Variants in ZKSCAN7 observed in about 807,000 individuals in gnomAD.
The protein encoded by ZKSCAN7 is zinc finger protein with KRAB and SCAN domains 7.
ZKSCAN7 carries 38 observed loss-of-function variants against 65.3 expected under a neutral mutation model. That is an observed-to-expected ratio of 0.58 (90% CI 0.45 to 0.76). ZKSCAN7 has a LOEUF of 0.76. ZKSCAN7 is among the 30% of genes least tolerant of loss of function. The pLI is 0.00. For missense variants in ZKSCAN7, 815 were observed against 913.3 expected (o/e 0.89, Z 1.39); for synonymous variants, 321 against 321.0 (o/e 1.00, Z 0.00).
chr3:44,581,817 G>A (rs1700092760), intron 5 of ZKSCAN7, among the ~76,000 whole-genome samples: 1 of 152,182 alleles, frequency 6.6e-6, no homozygotes, highest in Non-Finnish European at 1.5e-5. Context: ...CTCCAGCCCT[G>A]GTCATTCAGC....
chr3:44,580,521 T>C (rs1700047687), intron 5 of ZKSCAN7: 2 of 1,612,564 alleles, frequency 1.2e-6, no homozygotes, highest in Non-Finnish European at 1.7e-6. Context: ...AGGCCCAGGC[T>C]CCTGCGGTGT....
downstream of ZKSCAN7, among the ~76,000 whole-genome samples, chr3:44,572,827 G>C (rs1699843702): frequency 8.0e-6 from 1 of 124,756 alleles, no homozygotes; most frequent in African/African-American, 3.1e-5. Flanking sequence ...TCCAGCCTGG[G>C]CAACAGAGCG....
At chr3:44,578,226 C>T (rs923222440) in intron 5 of ZKSCAN7, 39 of 1,532,326 alleles carry the variant, frequency 2.5e-5, no homozygotes, top group Non-Finnish European at 3.0e-5. Context: ...GTGTCACTTG[C>T]GTACTTCTTG....
chr3:44,563,239 C>T (rs945312759), intron 2 of ZKSCAN7, among the ~76,000 whole-genome samples: 2 of 152,250 alleles, frequency 1.3e-5, no homozygotes, highest in African/African-American at 2.4e-5. Context: ...AACTTTCCCA[C>T]ATCTTCCTGT....
At chr3:44,558,281 T>C (rs548186060) in intron 2 of ZKSCAN7, among the ~76,000 whole-genome samples, 131 of 152,036 alleles carry the variant, frequency 8.6e-4, no homozygotes, top group African/African-American at 2.9e-3. Context: ...TCCCAGCACT[T>C]TGGGAGGCCG....
chr3:44,568,933 A>T (rs571338710), intron 5 of ZKSCAN7, among the ~76,000 whole-genome samples: 1 of 152,064 alleles, frequency 6.6e-6, no homozygotes, highest in African/African-American at 2.4e-5. Flanking sequence ...TGTCCTTTTC[A>T]TAGCTCTTTT....
rs1418093517 is a variant in ZKSCAN7, at chr3:44,555,407, T to C, written c.-193T>C. The C allele has an allele frequency of 6.6e-6, 1 of 152,234 alleles. No individual in the cohort carries two copies. The highest frequency in any genetic ancestry group is 2.4e-5 in the African/African-American group (1 of 41,464). The allele number at this position is 152,234 out of a possible 1,614,324, so 9.4% of individuals were successfully genotyped here. ...GATGTAGAGCCGCTTCTTTGTCTCA[T>C]ACCCCTGACCATTCGTGCGTGGCAC... On this transcript the variant is annotated 5_prime_UTR_variant, in exon 1 of 6. Coordinates refer to ENST00000426540, the MANE Select transcript of ZKSCAN7 (RefSeq NM_001288590.2).
At chr3:44,576,952 T>C (rs1419595032), downstream of ZKSCAN7, among the ~76,000 whole-genome samples, 2 of 152,126 alleles carry the variant, frequency 1.3e-5, no homozygotes, top group East Asian at 1.9e-4. Flanking sequence ...TTACTCCACA[T>C]TGGAAACAAA....
intron 2 of ZKSCAN7, 31 bp downstream of exon 2, chr3:44,557,501 A>G (rs1699334448): frequency 6.2e-7 from 1 of 1,612,444 alleles, no homozygotes; most frequent in African/African-American, 1.3e-5. Context: ...TGGCGGCCTG[A>G]TGCTTCTCTA....
downstream of ZKSCAN7, chr3:44,572,191 C>G: frequency 2.0e-6 from 2 of 985,396 alleles, no homozygotes; most frequent in Non-Finnish European, 2.4e-6. Context: ...AAAGTATGCA[C>G]GATCTTTCTC....
intron 2 of ZKSCAN7, among the ~76,000 whole-genome samples, chr3:44,560,203 T>G (rs752063951): frequency 6.6e-5 from 10 of 152,160 alleles, no homozygotes; most frequent in African/African-American, 1.4e-4. Flanking sequence ...CTCCCACTAC[T>G]GTCAGTGTTA....
intron 4 of ZKSCAN7, 67 bp from the exon 5 acceptor site, chr3:44,568,240 C>T (rs774872905): frequency 1.2e-5 from 19 of 1,579,500 alleles, no homozygotes; most frequent in African/African-American, 8.1e-5. Context: ...CTGTGCCCTT[C>T]GTACCCCTGA....
intron 2 of ZKSCAN7, among the ~76,000 whole-genome samples, chr3:44,563,281 TCTAC>T (rs903675428): frequency 1.3e-5 from 2 of 152,250 alleles, no homozygotes; most frequent in Non-Finnish European, 2.9e-5. Flanking sequence ...TGTTTCAGCC[TCTAC>T]CTGTTACCCA....
At chr3:44,578,551 C>T (rs941994284) in intron 5 of ZKSCAN7, among the ~76,000 whole-genome samples, 1 of 152,200 alleles carries the variant, frequency 6.6e-6, no homozygotes, top group Admixed American at 6.5e-5. Context: ...GGCACTTCTG[C>T]GAGTACTGCT....
At chr3:44,581,228 G>A (rs1317544121) in intron 5 of ZKSCAN7, among the ~76,000 whole-genome samples, 1 of 147,576 alleles carries the variant, frequency 6.8e-6, no homozygotes, top group East Asian at 2.0e-4. Flanking sequence ...CCCAGCTCCC[G>A]CCCGCACCGC....
intron 3 of ZKSCAN7, 50 bp downstream of exon 3, chr3:44,565,705 C>G: frequency 6.8e-7 from 1 of 1,475,962 alleles, no homozygotes; most frequent in Non-Finnish European, 9.0e-7. Context: ...CTTCTCTCCT[C>G]TGGAGTCTCC....
At position 44,557,290 on chromosome 3, in the gene ZKSCAN7, G is replaced by T. The variant is rs565322559; in HGVS notation, c.243G>T (p.Trp81Cys). Residue 81 changes from tryptophan (W) to cysteine (C), a missense_variant, in exon 2 of 6, where the codon TGG (tryptophan) becomes TGT (cysteine). Coordinates refer to ENST00000426540, the MANE Select transcript of ZKSCAN7 (RefSeq NM_001288590.2). The part of the protein sequence containing the change: ...ALSRLRELCR[W>C]WLMPEVHTKE... ...GCCGGCTTCGGGAGCTCTGCCGCTG[G>T]TGGCTCATGCCAGAGGTGCACACCA... The T allele has an allele frequency of 1.9e-5, 30 of 1,614,288 alleles. No individual in the cohort carries two copies. In the African/African-American group the frequency reaches 3.2e-4, roughly 17 times the overall value.
At chr3:44,580,739 G>T in intron 5 of ZKSCAN7, 6 of 1,613,948 alleles carry the variant, frequency 3.7e-6, no homozygotes, top group South Asian at 1.1e-5. Context: ...TGTTGATGGT[G>T]CCCTGAGGAA....
chr3:44,565,914 T>C (rs1699618596), intron 3 of ZKSCAN7, among the ~76,000 whole-genome samples: 1 of 152,248 alleles, frequency 6.6e-6, no homozygotes, highest in African/African-American at 2.4e-5. Flanking sequence ...GTCACTGATT[T>C]CAAAGAGCTT....
Sources: gnomAD v4.1 joint callset for allele counts (sites outside exome capture counted in the v4.1 genomes callset) on GRCh38, gnomAD v4.1.1 for gene constraint, MANE v1.5 for transcripts, NCBI Gene and HGNC (gene_info 2026-07-23, HGNC 2026-07-21) for gene names.